ARHGEF7: variants seen among roughly 807,000 people sequenced by gnomAD.
ARHGEF7 encodes the protein PAK-interacting exchange factor beta.
ARHGEF7 carries 33 observed loss-of-function variants against 109.8 expected under a neutral mutation model. That is an observed-to-expected ratio of 0.30 (90% CI 0.23 to 0.40). The LOEUF (loss-of-function observed/expected upper bound fraction) is 0.40, where lower values mean the gene tolerates loss of function less well. Ranked by LOEUF, ARHGEF7 falls within the 10% of genes least tolerant of loss-of-function variation. ARHGEF7 has a pLI of 1.00. For synonymous variants in ARHGEF7, 458 were observed against 424.6 expected, an observed-to-expected ratio of 1.08 and a Z score of -0.97; for missense variants, 938 against 1,098.5, an observed-to-expected ratio of 0.85 and a Z score of 2.07.
intron 13 of ARHGEF7, among the ~76,000 whole-genome samples, chr13:111,279,041 A>G (rs866406858): frequency 7.9e-5 from 12 of 152,232 alleles, no homozygotes; most frequent in Non-Finnish European, 1.6e-4. Flanking sequence ...GGGGATGCCA[A>G]AAAGTGTTCG....
At chr13:111,154,135 G>A (rs1288789657) in intron 2 of ARHGEF7, 144 bp downstream of exon 2, 1 of 897,910 alleles carries the variant, frequency 1.1e-6, no homozygotes, top group African/African-American at 1.8e-5. Context: ...CGGGATGTGT[G>A]GAACGGGGCG....
chr13:111,149,897 T>TA (rs1198289337), intron 1 of ARHGEF7, among the ~76,000 whole-genome samples: 8 of 152,256 alleles, frequency 5.3e-5, no homozygotes, highest in Admixed American at 5.2e-4. Flanking sequence ...TTATACACAT[T>TA]AACTAAAGTC....
intron 1 of ARHGEF7, among the ~76,000 whole-genome samples, chr13:111,122,189 G>C (rs527453446): frequency 1.3e-5 from 2 of 152,330 alleles, no homozygotes; most frequent in Admixed American, 1.3e-4. Flanking sequence ...CGCCAGATCT[G>C]GGCGCAGCTG....
At chr13:111,251,668 A>G (rs913653869) in intron 8 of ARHGEF7, among the ~76,000 whole-genome samples, 4 of 152,208 alleles carry the variant, frequency 2.6e-5, no homozygotes, top group Non-Finnish European at 5.9e-5. Context: ...TTACTTAGCA[A>G]GTCTGTTTTT....
At chr13:111,293,531 C>T in intron 19 of ARHGEF7, 1 of 985,132 alleles carries the variant, frequency 1.0e-6, no homozygotes, top group Non-Finnish European at 1.2e-6. Context: ...TCAAAAAGCA[C>T]TGAATGTGAC....
chr13:111,171,596 T>G (rs1415890767), intron 2 of ARHGEF7, among the ~76,000 whole-genome samples: 1 of 152,222 alleles, frequency 6.6e-6, no homozygotes, highest in Non-Finnish European at 1.5e-5. Flanking sequence ...TGAGCAATTT[T>G]TATGTGATGG....
At chr13:111,174,769 G>A (rs2077960985) in intron 2 of ARHGEF7, among the ~76,000 whole-genome samples, 1 of 151,694 alleles carries the variant, frequency 6.6e-6, no homozygotes, top group African/African-American at 2.4e-5. Flanking sequence ...TCTGTACGCT[G>A]GGGGTCGTAA....
chr13:111,133,506 A>G (rs1232726267), intron 1 of ARHGEF7, among the ~76,000 whole-genome samples: 1 of 151,876 alleles, frequency 6.6e-6, no homozygotes, highest in East Asian at 1.9e-4. Flanking sequence ...GAGCTGCTCA[A>G]CACGAACTTT....
intron 18 of ARHGEF7, among the ~76,000 whole-genome samples, chr13:111,290,852 G>C (rs1309824412): frequency 6.6e-6 from 1 of 152,180 alleles, no homozygotes; most frequent in Non-Finnish European, 1.5e-5. Context: ...GAAATTGCTC[G>C]CTTGTGCTGG....
intron 6 of ARHGEF7, among the ~76,000 whole-genome samples, chr13:111,242,502 T>C (rs2087962376): frequency 1.3e-5 from 2 of 152,252 alleles, no homozygotes; most frequent in Admixed American, 6.5e-5. Context: ...AATGTATTGT[T>C]AGCTCTGGGA....
chr13:111,241,468 G>C, intron 6 of ARHGEF7: 1 of 904,056 alleles, frequency 1.1e-6, no homozygotes, highest in South Asian at 1.6e-5. Context: ...AGTGTAACTT[G>C]CATTGTTTGG....
chr13:111,274,990 T>C (rs541511597), intron 11 of ARHGEF7, among the ~76,000 whole-genome samples, 200 bp downstream of exon 11: 1 of 152,374 alleles, frequency 6.6e-6, no homozygotes, highest in African/African-American at 2.4e-5. Context: ...TTAAAGTCAC[T>C]GTGTAATTGA....
chr13:111,280,898 C>CA (rs766291272), intron 15 of ARHGEF7: 12 of 495,848 alleles, frequency 2.4e-5, no homozygotes, highest in Non-Finnish European at 4.1e-5. Context: ...TGTGCCTCCT[C>CA]ACGCACAGTT....
intron 2 of ARHGEF7, among the ~76,000 whole-genome samples, chr13:111,185,553 A>G (rs1235274310): frequency 6.6e-6 from 1 of 152,192 alleles, no homozygotes; most frequent in Non-Finnish European, 1.5e-5. Flanking sequence ...TTTGAAGTTA[A>G]TGGAATGGGC....
intron 5 of ARHGEF7, among the ~76,000 whole-genome samples, chr13:111,225,850 A>G (rs2085141118): frequency 6.6e-6 from 1 of 152,214 alleles, no homozygotes; most frequent in Non-Finnish European, 1.5e-5. Flanking sequence ...AAATTAAACC[A>G]GTTTATAACC....
chr13:111,123,156 T>C (rs1169162057), intron 1 of ARHGEF7, among the ~76,000 whole-genome samples: 1 of 152,240 alleles, frequency 6.6e-6, no homozygotes, highest in African/African-American at 2.4e-5. Context: ...CAATGGACTG[T>C]GGCAGAAGTG....
At chr13:111,299,455 G>T (rs1242644854) in intron 19 of ARHGEF7, among the ~76,000 whole-genome samples, 2 of 146,556 alleles carry the variant, frequency 1.4e-5, no homozygotes, top group African/African-American at 5.0e-5. Flanking sequence ...CCATTCTCCT[G>T]CCTCAGCCTC....
At chr13:111,159,575 A>G (rs1170560216) in intron 2 of ARHGEF7, among the ~76,000 whole-genome samples, 2 of 152,178 alleles carry the variant, frequency 1.3e-5, no homozygotes, top group Admixed American at 1.3e-4. Flanking sequence ...GATAATAGCC[A>G]TTCTACAGTT....
chr13:111,250,816 T>C (rs2089650711), intron 8 of ARHGEF7, among the ~76,000 whole-genome samples: 1 of 152,052 alleles, frequency 6.6e-6, no homozygotes, highest in Admixed American at 6.5e-5. Flanking sequence ...CTGGTACCAG[T>C]TTATTATGAA....
Sources: allele counts gnomAD v4.1 joint callset (sites outside exome capture counted in the v4.1 genomes callset), GRCh38; gene constraint gnomAD v4.1.1; transcripts MANE v1.5; gene names NCBI Gene and HGNC (gene_info 2026-07-23, HGNC 2026-07-21).